Variants in PDSS2 observed in about 807,000 individuals in gnomAD.
The protein encoded by PDSS2 is decaprenyl diphosphate synthase subunit 2, also known as all trans-polyprenyl-diphosphate synthase PDSS2.
In PDSS2, 31 loss-of-function variants were observed where a neutral mutation model predicts 44.5. The observed-to-expected ratio is 0.70, with a 90% CI of 0.52 to 0.94. PDSS2 has a LOEUF of 0.94. Among genes scored for constraint, PDSS2 ranks in the 40% least tolerant of loss-of-function variants. The probability of loss-of-function intolerance (pLI) is 0.00; values close to 1 mark genes in which losing one functional copy is unlikely to be tolerated. For missense variants in PDSS2, 452 were observed against 482.2 expected (o/e 0.94, Z 0.59); for synonymous variants, 157 against 180.3 (o/e 0.87, Z 1.03).
intron 6 of PDSS2, among the ~76,000 whole-genome samples, chr6:107,198,824 CA>C (rs1772658102): frequency 6.6e-6 from 1 of 151,534 alleles, no homozygotes; most frequent in Non-Finnish European, 1.5e-5. Context: ...ACAACAACAA[CA>C]ACAACAACAA....
intron 1 of PDSS2, among the ~76,000 whole-genome samples, chr6:107,339,439 G>C (rs1318915557): frequency 6.6e-6 from 1 of 152,072 alleles, no homozygotes; most frequent in Non-Finnish European, 1.5e-5. Context: ...AATAAGACTG[G>C]ACGCCTTCTA....
At chr6:107,348,113 C>T (rs1399109917) in intron 1 of PDSS2, among the ~76,000 whole-genome samples, 2 of 152,164 alleles carry the variant, frequency 1.3e-5, no homozygotes, top group Admixed American at 1.3e-4. Flanking sequence ...GGATATCTAT[C>T]GGCCTATCTT....
At chr6:107,407,677 GATT>G (rs1462160687) in intron 1 of PDSS2, among the ~76,000 whole-genome samples, 5 of 152,280 alleles carry the variant, frequency 3.3e-5, no homozygotes, top group Non-Finnish European at 5.9e-5. Context: ...CACAAATCCT[GATT>G]GAGTAGTACT....
intron 1 of PDSS2, among the ~76,000 whole-genome samples, chr6:107,432,596 G>A (rs2114761741): frequency 6.6e-6 from 1 of 152,206 alleles, no homozygotes; most frequent in East Asian, 1.9e-4. Context: ...TTTGAGACCA[G>A]CCTAGCCAAC....
chr6:107,234,507 A>G (rs1774163371), intron 4 of PDSS2, among the ~76,000 whole-genome samples: 1 of 148,252 alleles, frequency 6.7e-6, no homozygotes, highest in South Asian at 2.2e-4. Flanking sequence ...GCCTGGCTCT[A>G]TTTTTATCTT....
intron 2 of PDSS2, among the ~76,000 whole-genome samples, chr6:107,281,372 TAG>T (rs1775954305): frequency 6.6e-6 from 1 of 152,206 alleles, no homozygotes; most frequent in African/African-American, 2.4e-5. Flanking sequence ...CACTGTTTGT[TAG>T]AGTCTTGTTG....
intron 2 of PDSS2, among the ~76,000 whole-genome samples, chr6:107,276,385 T>C (rs1775783634): frequency 6.6e-6 from 1 of 152,196 alleles, no homozygotes; most frequent in Non-Finnish European, 1.5e-5. Flanking sequence ...TCTGATTCAC[T>C]GTTGCATGTT....
intron 1 of PDSS2, among the ~76,000 whole-genome samples, chr6:107,412,115 T>C (rs969273291): frequency 3.3e-5 from 5 of 151,854 alleles, no homozygotes; most frequent in South Asian, 2.1e-4. Context: ...CTCGAACTCC[T>C]GACCTCAGGT....
intron 4 of PDSS2, among the ~76,000 whole-genome samples, chr6:107,232,798 C>T (rs1774093491): frequency 6.6e-6 from 1 of 152,028 alleles, no homozygotes; most frequent in South Asian, 2.1e-4. Flanking sequence ...AGCTAATGCT[C>T]AATGACTATT....
At chr6:107,227,752 T>C (rs1478341099) in intron 4 of PDSS2, among the ~76,000 whole-genome samples, 1 of 152,130 alleles carries the variant, frequency 6.6e-6, no homozygotes, top group African/African-American at 2.4e-5. Flanking sequence ...GACTTGAAAA[T>C]CTGAATGAAT....
intron 3 of PDSS2, among the ~76,000 whole-genome samples, chr6:107,259,961 G>A (rs745763017): frequency 3.9e-5 from 6 of 152,142 alleles, no homozygotes; most frequent in Admixed American, 1.3e-4. Flanking sequence ...ATATAGTTTT[G>A]GTGTTTCCAG....
intron 7 of PDSS2, among the ~76,000 whole-genome samples, chr6:107,180,193 CAT>C (rs1313362379): frequency 5.3e-5 from 8 of 152,268 alleles, no homozygotes; most frequent in African/African-American, 1.9e-4. Context: ...CTATCTTCGA[CAT>C]AAAGACATAC....
intron 4 of PDSS2, among the ~76,000 whole-genome samples, chr6:107,226,427 T>C (rs978513952): frequency 6.6e-6 from 1 of 152,186 alleles, no homozygotes. Flanking sequence ...TGGAGATGGC[T>C]TCCCTGAGGA....
chr6:107,320,035 T>C (rs983387900), intron 2 of PDSS2, among the ~76,000 whole-genome samples: 1 of 152,212 alleles, frequency 6.6e-6, no homozygotes, highest in Non-Finnish European at 1.5e-5. Context: ...AGTTAAGTAA[T>C]TTAACAGCCA....
At chr6:107,415,243 C>G (rs1432185257) in intron 1 of PDSS2, among the ~76,000 whole-genome samples, 1 of 151,966 alleles carries the variant, frequency 6.6e-6, no homozygotes, top group Non-Finnish European at 1.5e-5. Flanking sequence ...AAACCAATTT[C>G]CAATGTGGAA....
chr6:107,249,568 C>T (rs1213630439), intron 3 of PDSS2, among the ~76,000 whole-genome samples: 2 of 152,154 alleles, frequency 1.3e-5, no homozygotes. Context: ...AGAATAGCAG[C>T]ATTGCTTACC....
Position 107,161,218 on chromosome 6 carries a change from T to C in PDSS2, c.1042-6441A>G, listed in dbSNP as rs367585650. 5.3e-4 allele frequency among the ~76,000 whole-genome samples: 79 copies of C among 150,308 alleles called. No homozygotes were observed. In the East Asian group the frequency reaches 6.8e-3, roughly 13 times the overall value. On this transcript the variant is annotated intron_variant, in intron 7 of 7. Coordinates refer to ENST00000369037, the MANE Select transcript of PDSS2 (RefSeq NM_020381.4). Reference sequence around the variant, plus strand: ...CTTTTTGGCCGGGCGCGGTGGCTCATGCCTGTAATCCCAGAACTTTGGGAA... The same window carrying C: ...CTTTTTGGCCGGGCGCGGTGGCTCACGCCTGTAATCCCAGAACTTTGGGAA...
intron 1 of PDSS2, among the ~76,000 whole-genome samples, chr6:107,397,023 CTGAGCTAGGA>C (rs1779969742): frequency 6.6e-6 from 1 of 152,060 alleles, no homozygotes; most frequent in Non-Finnish European, 1.5e-5. Context: ...CAGAAAGGAA[CTGAGCTAGGA>C]TGAGATTGGA....
At chr6:107,322,417 G>T (rs1423078003) in intron 2 of PDSS2, among the ~76,000 whole-genome samples, 1 of 152,166 alleles carries the variant, frequency 6.6e-6, no homozygotes, top group Non-Finnish European at 1.5e-5. Context: ...TACTTGAGAG[G>T]CTGAGGCATG....
Sources: allele counts gnomAD v4.1 joint callset (sites outside exome capture counted in the v4.1 genomes callset), GRCh38; gene constraint gnomAD v4.1.1; transcripts MANE v1.5; gene names NCBI Gene and HGNC (gene_info 2026-07-23, HGNC 2026-07-21).